The following DRICH1 variants were observed in gnomAD, a reference collection of about 807,000 sequenced individuals.
The protein encoded by DRICH1 is aspartate-rich protein 1.
Under a neutral mutation model 39.5 loss-of-function variants are expected in DRICH1, and 38 were observed. The ratio of observed to expected loss-of-function variants is 0.96; its 90% confidence interval spans 0.74 to 1.26. DRICH1 has a LOEUF of 1.26. Ranked by LOEUF, DRICH1 falls within the 50% of genes most tolerant of loss-of-function variation. The pLI is 0.00. For missense variants in DRICH1, 279 were observed against 270.4 expected, an observed-to-expected ratio of 1.03 and a Z score of -0.22; for synonymous variants, 84 against 99.5, an observed-to-expected ratio of 0.84 and a Z score of 0.93.
rs1183208247 is a variant in DRICH1, at chr22:23,624,971, A to C, written c.277-67T>G. On this transcript the variant is annotated intron_variant, in intron 2 of 11. Coordinates refer to ENST00000317749, the MANE Select transcript of DRICH1 (RefSeq NM_016449.4). ...TTCTGCTGCACCCCCTACACAGATC[A>C]GTTATTCTCTTGATGACTTCAGAAA... 1.9e-6 allele frequency: 3 copies of C among 1,548,314 alleles called. No individual in the cohort carries two copies. The Admixed American group carries it at 5.3e-5, about 27-fold the overall frequency.
At chr22:23,599,685 T>G in the DRICH1 span, among the ~76,000 whole-genome samples, 1 of 152,208 alleles carries the variant, frequency 6.6e-6, no homozygotes, top group African/African-American at 2.4e-5. Context: ...TCTTCCAGCA[T>G]GCCCTTCCTC....
In DRICH1 at chr22:23,625,450, A is replaced by C. The variant is rs181993351; in HGVS notation, c.276+531T>G. 2.6e-3 allele frequency among the ~76,000 whole-genome samples: 390 copies of C among 152,082 alleles called. 1 individual carries two copies. The highest frequency in any genetic ancestry group is 4.2e-3 in the Non-Finnish European group (285 of 68,008). ...TAGGATATGCTGGGCTCCTGCTTGGATGGGCAATGCCTGCTTGTTGGGCTC... is the reference window on the plus strand; with the variant it reads ...TAGGATATGCTGGGCTCCTGCTTGGCTGGGCAATGCCTGCTTGTTGGGCTC... On this transcript the variant is annotated intron_variant, in intron 2 of 11. Transcript: ENST00000317749.
the DRICH1 span, chr22:23,581,595 A>C: frequency 6.6e-6 from 1 of 150,450 alleles, no homozygotes; most frequent in Non-Finnish European, 1.5e-5. Flanking sequence ...CACACAACCT[A>C]AAATTTATCA....
chr22:23,627,365 G>A (rs1309035841), intron 1 of DRICH1, among the ~76,000 whole-genome samples: 2 of 152,100 alleles, frequency 1.3e-5, no homozygotes, highest in African/African-American at 2.4e-5. Context: ...GAGCCACCAC[G>A]CCCGGCCCTG....
chr22:23,611,025 A>C, intron 11 of DRICH1, among the ~76,000 whole-genome samples: 1 of 150,762 alleles, frequency 6.6e-6, no homozygotes, highest in Admixed American at 6.6e-5. Context: ...GTAACTTTTC[A>C]CTCCCTGAGC....
rs1280580082 is a variant in DRICH1 at position 23,624,924 on chromosome 22, G to A, written c.277-20C>T. On this transcript the variant is annotated intron_variant, in intron 2 of 11. Coordinates refer to ENST00000317749, the MANE Select transcript of DRICH1 (RefSeq NM_016449.4). ...TAAAATCTGCAATGAGACAAAAGAAGATGCTATGAGGATCAGATCAATTCT... is the reference window on the plus strand; with the variant it reads ...TAAAATCTGCAATGAGACAAAAGAAAATGCTATGAGGATCAGATCAATTCT... 2 of 1,612,822 alleles carry A rather than the reference G, an allele frequency of 1.2e-6. No individual in the cohort carries two copies. The highest frequency in any genetic ancestry group is 1.7e-6 in the Non-Finnish European group (2 of 1,178,860).
downstream of DRICH1, among the ~76,000 whole-genome samples, chr22:23,604,981 T>C (rs567017779): frequency 2.9e-4 from 44 of 152,290 alleles, 1 homozygote; most frequent in South Asian, 8.7e-3. Flanking sequence ...TTTGGTGCAA[T>C]TGTCCAAGGT....
At chr22:23,590,462 G>A in the DRICH1 span, among the ~76,000 whole-genome samples, 1 of 151,768 alleles carries the variant, frequency 6.6e-6, no homozygotes. Context: ...ACTTTTAGTA[G>A]AGATGGGGTT....
chr22:23,612,084 A>G (rs894191492), intron 11 of DRICH1, among the ~76,000 whole-genome samples: 3 of 152,134 alleles, frequency 2.0e-5, no homozygotes, highest in Non-Finnish European at 4.4e-5. Flanking sequence ...CTAACAGTCT[A>G]CTCCACAAAA....
intron 11 of DRICH1, among the ~76,000 whole-genome samples, chr22:23,609,630 A>G (rs911960646): frequency 4.0e-5 from 6 of 150,436 alleles, no homozygotes; most frequent in Non-Finnish European, 7.4e-5. Context: ...CCCTGGCAGG[A>G]CTGTAGAGGG....
At position 23,617,482 on chromosome 22, in the gene DRICH1, G is replaced by C. The variant is rs115427548; in HGVS notation, c.519+93C>G. On this transcript the variant is annotated intron_variant, in intron 7 of 11. Transcript: ENST00000317749. ...ATCTCACTTTTACTGTTTTTCAGCT[G>C]CCTGAGTCCATTCTTTGGGATTGGA... The C allele has an allele frequency of 6.5e-3, 9,152 of 1,418,494 alleles. 377 individuals carry two copies. The African/African-American group carries it at 0.1, about 16-fold the overall frequency. 87.9% of individuals were successfully genotyped at this position (1,418,494 alleles called of 1,614,324 possible). A position where few individuals can be genotyped will look rare whatever the true frequency, so the allele number is the denominator to read the frequency against.
intron 1 of DRICH1, among the ~76,000 whole-genome samples, chr22:23,626,681 C>T (rs1928083723): frequency 6.6e-6 from 1 of 152,138 alleles, no homozygotes. Context: ...CGCCCAGCCT[C>T]CTACTGCAGG....
intron 4 of DRICH1, 114 bp from the exon 5 acceptor site, chr22:23,620,729 G>C: frequency 7.9e-7 from 1 of 1,261,814 alleles, no homozygotes; most frequent in East Asian, 2.3e-5. Context: ...AACTGTTGTT[G>C]AGTCAAGGTC....
the DRICH1 span, among the ~76,000 whole-genome samples, chr22:23,586,383 G>T: frequency 6.6e-6 from 1 of 152,148 alleles, no homozygotes; most frequent in African/African-American, 2.4e-5. Context: ...CAGCTCCTTG[G>T]GAGGCTGAGG....
the DRICH1 span, among the ~76,000 whole-genome samples, chr22:23,601,230 T>C: frequency 5.3e-5 from 8 of 151,878 alleles, no homozygotes; most frequent in African/African-American, 1.9e-4. Flanking sequence ...CACATGGTGA[T>C]ACCTTCATAA....
At chr22:23,625,330 G>T (rs2123791378) in intron 2 of DRICH1, among the ~76,000 whole-genome samples, 1 of 152,134 alleles carries the variant, frequency 6.6e-6, no homozygotes, top group East Asian at 1.9e-4. Flanking sequence ...AATTGAGAAG[G>T]AAAGAAATCA....
intron 11 of DRICH1, among the ~76,000 whole-genome samples, chr22:23,612,918 A>T (rs537206453): frequency 6.6e-6 from 1 of 152,276 alleles, no homozygotes; most frequent in South Asian, 2.1e-4. Context: ...AATGCCTGTG[A>T]GAGAGTTGTG....
intron 4 of DRICH1, among the ~76,000 whole-genome samples, chr22:23,621,700 G>A (rs965634471): frequency 2.0e-5 from 3 of 152,222 alleles, no homozygotes; most frequent in South Asian, 2.1e-4. Context: ...GATTACCTGC[G>A]GTCAGGAGTT....
At chr22:23,590,721 C>A in the DRICH1 span, among the ~76,000 whole-genome samples, 57 of 152,284 alleles carry the variant, frequency 3.7e-4, no homozygotes, top group Admixed American at 1.0e-3. Context: ...GCCTCAGCCT[C>A]CCAAGTAACT....
Sources: gnomAD v4.1 joint callset for allele counts (sites outside exome capture counted in the v4.1 genomes callset) on GRCh38, gnomAD v4.1.1 for gene constraint, MANE v1.5 for transcripts, NCBI Gene and HGNC (gene_info 2026-07-23, HGNC 2026-07-21) for gene names.